AGTPBP1: variants seen among roughly 807,000 people sequenced by gnomAD.
AGTPBP1 encodes the protein ATP/GTP binding carboxypeptidase 1, also known as cytosolic carboxypeptidase 1.
AGTPBP1 carries 70 observed loss-of-function variants against 143.9 expected under a neutral mutation model. The ratio of observed to expected loss-of-function variants is 0.49; its 90% confidence interval spans 0.40 to 0.59. The LOEUF is 0.59. Ranked by LOEUF, AGTPBP1 falls within the 20% of genes least tolerant of loss-of-function variation. The probability of loss-of-function intolerance (pLI) is 0.00; values close to 1 mark genes in which losing one functional copy is unlikely to be tolerated. For synonymous variants in AGTPBP1, 463 were observed against 500.2 expected (o/e 0.93, Z 0.99); for missense variants, 1,229 against 1,464.5 (o/e 0.84, Z 2.62).
At chr9:85,748,832 G>C in the AGTPBP1 span, among the ~76,000 whole-genome samples, 1 of 152,050 alleles carries the variant, frequency 6.6e-6, no homozygotes, top group Non-Finnish European at 1.5e-5. Context: ...TGGTCTTTGG[G>C]TTTTAACTCC....
chr9:85,683,499 C>T (rs979291173), intron 3 of AGTPBP1, among the ~76,000 whole-genome samples: 1 of 152,156 alleles, frequency 6.6e-6, no homozygotes, highest in East Asian at 1.9e-4. Flanking sequence ...TGCAGCCTCC[C>T]CTTGTTAACA....
At chr9:85,747,302 G>C in the AGTPBP1 span, among the ~76,000 whole-genome samples, 3 of 152,180 alleles carry the variant, frequency 2.0e-5, no homozygotes, top group African/African-American at 7.2e-5. Flanking sequence ...TTGAAATCAG[G>C]AAGTAAGTTC....
chr9:85,622,473 A>G (rs569888743), intron 14 of AGTPBP1, among the ~76,000 whole-genome samples: 36 of 152,340 alleles, frequency 2.4e-4, no homozygotes, highest in Admixed American at 4.6e-4. Flanking sequence ...GAAAAATTAA[A>G]AATTACCAGG....
chr9:85,609,065 T>C (rs926073418), intron 17 of AGTPBP1, among the ~76,000 whole-genome samples: 5 of 152,162 alleles, frequency 3.3e-5, no homozygotes, highest in Non-Finnish European at 7.3e-5. Context: ...GCCTGTGTTA[T>C]TTGCTCGAAA....
At chr9:85,621,978 A>T (rs1758016499) in intron 14 of AGTPBP1, among the ~76,000 whole-genome samples, 1 of 152,214 alleles carries the variant, frequency 6.6e-6, no homozygotes, top group Non-Finnish European at 1.5e-5. Context: ...AAGCTAAGGA[A>T]GACAATAATC....
chr9:85,659,394 CAGT>C (rs1833720449), intron 9 of AGTPBP1, among the ~76,000 whole-genome samples: 2 of 152,098 alleles, frequency 1.3e-5, no homozygotes, highest in Non-Finnish European at 2.9e-5. Context: ...TAAAAATATG[CAGT>C]AGGCTACTAA....
intron 13 of AGTPBP1, among the ~76,000 whole-genome samples, chr9:85,640,610 C>G (rs1192134205): frequency 1.3e-5 from 2 of 152,230 alleles, no homozygotes; most frequent in Non-Finnish European, 2.9e-5. Context: ...TAGGAGCAGC[C>G]AAACTAATGG....
the AGTPBP1 span, among the ~76,000 whole-genome samples, chr9:85,774,356 AT>A: frequency 9.2e-5 from 14 of 151,530 alleles, no homozygotes; most frequent in South Asian, 2.1e-4. Context: ...ATACAGTTGA[AT>A]TTTTTTTTAT....
intron 1 of AGTPBP1, among the ~76,000 whole-genome samples, chr9:85,738,063 A>G (rs1181582436): frequency 6.6e-6 from 1 of 152,258 alleles, no homozygotes; most frequent in Non-Finnish European, 1.5e-5. Context: ...TTTGTTTTAA[A>G]AAAAAGTTGT....
chr9:85,704,005 A>T (rs114667302), intron 2 of AGTPBP1, among the ~76,000 whole-genome samples: 2,693 of 152,338 alleles, frequency 0.018, 69 homozygotes, highest in African/African-American at 0.061. Context: ...TAAAAGTTAA[A>T]TAAGACAGAA....
chr9:85,630,187 G>T (rs752526973), intron 14 of AGTPBP1, among the ~76,000 whole-genome samples: 22 of 152,112 alleles, frequency 1.4e-4, no homozygotes, highest in African/African-American at 4.1e-4. Flanking sequence ...ACTCCAGGTG[G>T]GTCGTTCAGA....
the AGTPBP1 span, among the ~76,000 whole-genome samples, chr9:85,785,416 TTCA>T: frequency 1.3e-5 from 2 of 152,262 alleles, no homozygotes; most frequent in Non-Finnish European, 2.9e-5. Context: ...GTTAGCATTT[TTCA>T]TCATATTAGG....
rs569074489 is a variant in AGTPBP1 at position 85,547,513 on chromosome 9, A to T, written c.3504-227T>A. Among the ~76,000 whole-genome samples the T allele has an allele frequency of 2.4e-4, 36 of 152,352 alleles. No individual in the cohort carries two copies. The East Asian group carries it at 5.6e-3, about 24-fold the overall frequency. ...CATTAATTGTATTACAAGAGTATCA[A>T]TATATATCCTAAAATTAGATAGATA... On this transcript the variant is annotated intron_variant, in intron 25 of 25. Transcript: ENST00000357081.
intron 2 of AGTPBP1, among the ~76,000 whole-genome samples, chr9:85,701,272 C>T (rs1176651104): frequency 6.6e-6 from 1 of 150,786 alleles, no homozygotes. Flanking sequence ...CTCTGTCACC[C>T]ACGCTGGAGG....
At chr9:85,602,620 A>C (rs1476976941) in intron 17 of AGTPBP1, among the ~76,000 whole-genome samples, 1 of 152,216 alleles carries the variant, frequency 6.6e-6, no homozygotes, top group Admixed American at 6.5e-5. Context: ...CAAGATGGCC[A>C]AATAGAAGCC....
chr9:85,711,626 G>A (rs919231578), intron 2 of AGTPBP1, among the ~76,000 whole-genome samples: 9 of 151,840 alleles, frequency 5.9e-5, no homozygotes, highest in African/African-American at 2.2e-4. Context: ...TTTTTATAAA[G>A]ACAGGGTTTC....
the AGTPBP1 span, among the ~76,000 whole-genome samples, chr9:85,781,691 G>A: frequency 2.6e-5 from 4 of 151,942 alleles, no homozygotes; most frequent in East Asian, 7.7e-4. Context: ...TAAGCCTTCT[G>A]ATTATCACAA....
intron 1 of AGTPBP1, among the ~76,000 whole-genome samples, chr9:85,717,315 G>A (rs540729223): frequency 1.3e-5 from 2 of 152,184 alleles, no homozygotes; most frequent in East Asian, 3.9e-4. Context: ...ACCAGCCTGG[G>A]CAATATAGCA....
intron 8 of AGTPBP1, among the ~76,000 whole-genome samples, chr9:85,665,229 G>A (rs113156117): frequency 1.3e-5 from 2 of 152,180 alleles, no homozygotes; most frequent in Admixed American, 1.3e-4. Flanking sequence ...CTGTTATAAG[G>A]AGAGAGAAGA....
Sources: gnomAD v4.1 joint callset for allele counts (sites outside exome capture counted in the v4.1 genomes callset) on GRCh38, gnomAD v4.1.1 for gene constraint, MANE v1.5 for transcripts, NCBI Gene and HGNC (gene_info 2026-07-23, HGNC 2026-07-21) for gene names.